DNAAF3: variants seen among roughly 807,000 people sequenced by gnomAD.
The protein encoded by DNAAF3 is UPF0470 protein C19orf51.
In DNAAF3, 40 loss-of-function variants were observed where a neutral mutation model predicts 50.9. The ratio of observed to expected loss-of-function variants is 0.79; its 90% confidence interval spans 0.61 to 1.02. The LOEUF (loss-of-function observed/expected upper bound fraction) is 1.02. Among genes scored for constraint, DNAAF3 ranks in the 50% least tolerant of loss-of-function variants. The probability of loss-of-function intolerance (pLI) is 0.00; values close to 1 mark genes in which losing one functional copy is unlikely to be tolerated. For missense variants in DNAAF3, 763 were observed against 744.7 expected (o/e 1.02, Z -0.29); for synonymous variants, 327 against 322.8 (o/e 1.01, Z -0.14).
At chr19:55,162,068 T>A in intron 5 of DNAAF3, 65 bp downstream of exon 5, 1 of 1,270,398 alleles carries the variant, frequency 7.9e-7, no homozygotes, top group Admixed American at 3.8e-5. Context: ...CGCACGTCCT[T>A]TGGACTGTGC....
intron 4 of DNAAF3, among the ~76,000 whole-genome samples, chr19:55,164,206 T>C (rs2085896107): frequency 6.6e-6 from 1 of 152,046 alleles, no homozygotes; most frequent in South Asian, 2.1e-4. Flanking sequence ...TGGGGCCGGG[T>C]GTGATCGCAC....
At chr19:55,165,801 A>G (rs1284353241) in intron 3 of DNAAF3, 57 bp downstream of exon 3, 18 of 1,579,396 alleles carry the variant, frequency 1.1e-5, no homozygotes, top group Non-Finnish European at 1.4e-5. Context: ...TAGAATTTCA[A>G]TCCCTTCCTC....
chr19:55,162,121 G>A lies in DNAAF3; in HGVS notation c.480+12C>T. 3.2e-6 allele frequency: 4 copies of A among 1,245,550 alleles called. No homozygotes were observed. The highest frequency in any genetic ancestry group is 1.5e-5 in the African/African-American group (1 of 64,680). The allele number at this position is 1,245,550 out of a possible 1,614,324, so 77.2% of individuals were successfully genotyped here. ...GGCCACCCGATCCCAGATGGAGGCCGGGCGGCGGCACCTTGAGGGCGCGGA... is the reference window on the plus strand; with the variant it reads ...GGCCACCCGATCCCAGATGGAGGCCAGGCGGCGGCACCTTGAGGGCGCGGA... On this transcript the variant is annotated intron_variant, in intron 5 of 11. Coordinates refer to ENST00000524407, the MANE Select transcript of DNAAF3 (RefSeq NM_001256715.2).
chr19:55,165,277 C>T, intron 4 of DNAAF3, 93 bp downstream of exon 4: 1 of 1,285,844 alleles, frequency 7.8e-7, no homozygotes, highest in Non-Finnish European at 1.1e-6. Flanking sequence ...AGGAAAATAA[C>T]CAAACTTTTT....
chr19:55,165,105 C>T (rs529570852), intron 4 of DNAAF3, among the ~76,000 whole-genome samples: 30 of 143,230 alleles, frequency 2.1e-4, no homozygotes, highest in Admixed American at 3.6e-4. Context: ...TCTCAGCTCA[C>T]TGCAAGCTCC....
chr19:55,162,083 C>A, intron 5 of DNAAF3, 50 bp downstream of exon 5: 1 of 1,241,690 alleles, frequency 8.1e-7, no homozygotes, highest in Non-Finnish European at 1.0e-6. Context: ...CTGTGCGCTT[C>A]CATTATTCCC....
chr19:55,161,426 G>C lies in DNAAF3; in HGVS notation c.664-8C>G. ...GGGGTGAATGACTTGAGCCTGGGGTGGGGGGCGGGAAGAAGGGAGCCCTCA... is the reference window on the plus strand; with the variant it reads ...GGGGTGAATGACTTGAGCCTGGGGTCGGGGGCGGGAAGAAGGGAGCCCTCA... On this transcript the variant is annotated splice_polypyrimidine_tract_variant and splice_region_variant and intron_variant, in intron 6 of 11. Coordinates refer to ENST00000524407, the MANE Select transcript of DNAAF3 (RefSeq NM_001256715.2). The surrounding 1 kb of genome is among the most constrained non-coding windows in gnomAD (Gnocchi z 6.4). 1 of 599,752 alleles carries C rather than the reference G, an allele frequency of 1.7e-6. No homozygotes were observed. Among genetic ancestry groups the C allele is most frequent in the Middle Eastern group, 3.7e-4 (1 of 2,736 alleles). 37.2% of individuals were successfully genotyped at this position (599,752 alleles called of 1,614,324 possible). A position where few individuals can be genotyped will look rare whatever the true frequency, so the allele number is the denominator to read the frequency against.
chr19:55,160,154 A>T lies in DNAAF3; in HGVS notation c.1049-141T>A, dbSNP rs942574232. 3.0e-5 allele frequency: 20 copies of T among 661,710 alleles called. No individual in the cohort carries two copies. The highest frequency in any genetic ancestry group is 2.2e-4 in the African/African-American group (12 of 55,318). The allele number at this position is 661,710 out of a possible 1,614,324, so 41.0% of individuals were successfully genotyped here. A position where few individuals can be genotyped will look rare whatever the true frequency, so the allele number is the denominator to read the frequency against. On this transcript the variant is annotated intron_variant, in intron 9 of 11. Coordinates refer to ENST00000524407, the MANE Select transcript of DNAAF3 (RefSeq NM_001256715.2). The surrounding 1 kb of genome is among the most constrained non-coding windows in gnomAD (Gnocchi z 4.7). ...ACTTTTTGTCCTCTTGCAGCTTTTT[A>T]AAAAATCCTCTAAGGTAGGCTCCTG...
intron 4 of DNAAF3, among the ~76,000 whole-genome samples, chr19:55,163,454 G>A (rs965340532): frequency 1.3e-5 from 2 of 151,650 alleles, no homozygotes; most frequent in Non-Finnish European, 2.9e-5. Context: ...CACCGCGCCC[G>A]GCCAATATTT....
In DNAAF3 at chr19:55,160,971, G is replaced by C; in HGVS notation, c.912+94C>G. 1 of 1,463,698 alleles carries C rather than the reference G, an allele frequency of 6.8e-7. No homozygotes were observed. Among genetic ancestry groups the C allele is most frequent in the Non-Finnish European group, 9.0e-7 (1 of 1,111,264 alleles). The allele number at this position is 1,463,698 out of a possible 1,614,324, so 90.7% of individuals were successfully genotyped here. A position where few individuals can be genotyped will look rare whatever the true frequency, so the allele number is the denominator to read the frequency against. ...CCCACCAAGCGACGGGCGGGGTCTG[G>C]AGCTGGGGGCGGGGCCTGCTGTGGG... On this transcript the variant is annotated intron_variant, in intron 8 of 11. Transcript: ENST00000524407. The surrounding 1 kb of genome is among the most constrained non-coding windows in gnomAD (Gnocchi z 4.7).
chr19:55,165,021 C>CTTT (rs1164581047), intron 4 of DNAAF3, among the ~76,000 whole-genome samples: 23 of 84,568 alleles, frequency 2.7e-4, no homozygotes, highest in Non-Finnish European at 3.4e-4. Context: ...GTTTCGCTCT[C>CTTT]TTTTTTTTTT....
At position 55,159,437 on chromosome 19, in the gene DNAAF3, G is replaced by A. The variant is rs779990994; in HGVS notation, c.1251C>T (p.Asp417=). The change falls in exon 12 of 12, where the codon GAC becomes GAT. Residue 417 remains aspartate, a synonymous_variant. Transcript: ENST00000524407. The part of the protein sequence containing the change: ...LIVELARYLV[D]VRQEQLQGFN... Reference sequence around the variant, plus strand: ...ATCCCTGCAGCTGCTCCTGCCGCACGTCCACCAGGTACCTGCAGATGGGAA... The same window carrying A: ...ATCCCTGCAGCTGCTCCTGCCGCACATCCACCAGGTACCTGCAGATGGGAA... 23 of 1,613,858 alleles carry A rather than the reference G, an allele frequency of 1.4e-5. No homozygotes were observed. In the Admixed American group the frequency reaches 1.8e-4, roughly 13 times the overall value.
In DNAAF3 at chr19:55,160,008, G is replaced by A. The variant is rs1782097297; in HGVS notation, c.1054C>T (p.Pro352Ser). The A allele has an allele frequency of 3.1e-6, 5 of 1,595,516 alleles. No homozygotes were observed. The highest frequency in any genetic ancestry group is 1.7e-5 in the Admixed American group (1 of 60,010). ...GSPEPGTPAA[P>S]TPESFTVHFL... is the part of the protein sequence containing the mutation. ...TGGACGGTGAAAGATTCCGGGGTCG[G>A]GGCTGCTGGGGGAAGGGGATAGAGG... Residue 352 changes from proline (P) to serine (S), a missense_variant, in exon 10 of 12, where the codon CCG (proline) becomes TCG (serine). Pro to Ser is a moderately conservative substitution (Grantham distance 74, BLOSUM62 -1). Coordinates refer to ENST00000524407, the MANE Select transcript of DNAAF3 (RefSeq NM_001256715.2). The surrounding 1 kb of genome is among the most constrained non-coding windows in gnomAD (Gnocchi z 4.7).
intron 4 of DNAAF3, chr19:55,162,537 G>T: frequency 1.2e-6 from 1 of 831,416 alleles, no homozygotes; most frequent in Non-Finnish European, 1.5e-6. Flanking sequence ...AATGGGCCGA[G>T]ATCATGCCAT....
chr19:55,165,751 C>T, intron 3 of DNAAF3, 107 bp downstream of exon 3: 2 of 1,525,428 alleles, frequency 1.3e-6, no homozygotes, highest in Non-Finnish European at 1.8e-6. Flanking sequence ...TCCCTCAGAT[C>T]TAGGAGTCTC....
rs201438765 is a variant in DNAAF3 at position 55,161,253 on chromosome 19, G to T, written c.789+40C>A. 1 of 1,598,018 alleles carries T rather than the reference G, an allele frequency of 6.3e-7. No homozygotes were observed. The highest frequency in any genetic ancestry group is 8.6e-7 in the Non-Finnish European group (1 of 1,169,026). On this transcript the variant is annotated intron_variant, in intron 7 of 11. Transcript: ENST00000524407. This position sits in a 1 kb window ranked among gnomAD's most constrained non-coding sequence, Gnocchi z 6.4. ...TGGGGCCCCTGACTCCTAGGACTCC[G>T]AGCAGCAGCAGTGGGCCAGGACAGG...
At position 55,161,597 on chromosome 19, in the gene DNAAF3, C is replaced by T; in HGVS notation, c.663+46G>A. The T allele has an allele frequency of 5.3e-6, 8 of 1,502,718 alleles. No homozygotes were observed. The highest frequency in any genetic ancestry group is 7.1e-6 in the Non-Finnish European group (8 of 1,127,192). The allele number at this position is 1,502,718 out of a possible 1,614,324, so 93.1% of individuals were successfully genotyped here. A position where few individuals can be genotyped will look rare whatever the true frequency, so the allele number is the denominator to read the frequency against. Reference sequence around the variant, plus strand: ...AGGAGGCCCCCAGCCCCTCCTCCCTCAGACCCAGGGGTCCAGGCCCCCAGC... The same window carrying T: ...AGGAGGCCCCCAGCCCCTCCTCCCTTAGACCCAGGGGTCCAGGCCCCCAGC... On this transcript the variant is annotated intron_variant, in intron 6 of 11. Coordinates refer to ENST00000524407, the MANE Select transcript of DNAAF3 (RefSeq NM_001256715.2). The surrounding 1 kb of genome is among the most constrained non-coding windows in gnomAD (Gnocchi z 6.4).
In DNAAF3 at chr19:55,161,099, C is replaced by T; in HGVS notation, c.878G>A (p.Ser293Asn). The T allele has an allele frequency of 6.5e-7, 1 of 1,544,146 alleles. No homozygotes were observed. Among genetic ancestry groups the T allele is most frequent in the Non-Finnish European group, 8.7e-7 (1 of 1,146,590 alleles). Reference protein sequence around the residue: ...VAFGIEADDESLLRTSNGQPV... With the variant: ...VAFGIEADDENLLRTSNGQPV... ...CTGGCCGTTGCTCGTCCGCAGGAGG[C>T]TCTCGTCGTCCGCTTCGATGCCGAA... is the stretch of plus-strand genomic sequence containing the variant. The change falls in exon 8 of 12, where the codon AGC becomes AAC. Residue 293 changes from serine (S) to asparagine (N), a missense_variant. Ser to Asn is a conservative substitution (Grantham distance 46). Coordinates refer to ENST00000524407, the MANE Select transcript of DNAAF3 (RefSeq NM_001256715.2). This position sits in a 1 kb window ranked among gnomAD's most constrained non-coding sequence, Gnocchi z 6.4.
intron 5 of DNAAF3, 45 bp downstream of exon 5, chr19:55,162,088 A>G (rs1459614678): frequency 4.0e-6 from 5 of 1,239,956 alleles, no homozygotes; most frequent in Non-Finnish European, 5.1e-6. Flanking sequence ...CGCTTCCATT[A>G]TTCCCGCGGC....
Sources: allele counts gnomAD v4.1 joint callset (sites outside exome capture counted in the v4.1 genomes callset), GRCh38; gene constraint gnomAD v4.1.1; non-coding constraint Gnocchi (gnomAD v3.1); transcripts MANE v1.5; gene names NCBI Gene and HGNC (gene_info 2026-07-23, HGNC 2026-07-21).